The following ERBB4 variants were observed in gnomAD, a reference collection of about 807,000 sequenced individuals.
The protein encoded by ERBB4 is erb-b2 receptor tyrosine kinase 4.
Under a neutral mutation model 158.0 loss-of-function variants are expected in ERBB4, and 42 were observed. The ratio of observed to expected loss-of-function variants is 0.27; its 90% CI spans 0.21 to 0.34. The LOEUF (loss-of-function observed/expected upper bound fraction) is 0.34. ERBB4 is among the 10% of genes least tolerant of loss of function. ERBB4 has a pLI of 1.00. For synonymous variants in ERBB4, 583 were observed against 558.7 expected, an observed-to-expected ratio of 1.04 and a Z score of -0.61; for missense variants, 1,333 against 1,624.1, an observed-to-expected ratio of 0.82 and a Z score of 3.08.
At chr2:211,420,764 A>T (rs1574457833) in intron 24 of ERBB4, among the ~76,000 whole-genome samples, 153 bp from the exon 25 acceptor site, 1 of 152,172 alleles carries the variant, frequency 6.6e-6, no homozygotes, top group Middle Eastern at 3.4e-3. Context: ...ACCACCGGCC[A>T]TTAAGAAACC....
At chr2:211,642,308 G>C (rs574398091) in intron 16 of ERBB4, among the ~76,000 whole-genome samples, 1 of 152,124 alleles carries the variant, frequency 6.6e-6, no homozygotes, top group African/African-American at 2.4e-5. Flanking sequence ...AATCAACCTG[G>C]TGGTAGATTT....
chr2:212,425,336 G>GATACATATATAT (rs1560285485), intron 1 of ERBB4, among the ~76,000 whole-genome samples: 28 of 145,632 alleles, frequency 1.9e-4, no homozygotes, highest in African/African-American at 6.7e-4. Flanking sequence ...AAATATATAA[G>GATACATATATAT]GATACATATA....
intron 1 of ERBB4, among the ~76,000 whole-genome samples, chr2:212,219,168 G>T (rs1371651073): frequency 6.6e-6 from 1 of 151,328 alleles, no homozygotes; most frequent in African/African-American, 2.4e-5. Flanking sequence ...AAAATGAAAA[G>T]AATGAGACCC....
At chr2:211,868,648 G>A (rs1463568053) in intron 3 of ERBB4, among the ~76,000 whole-genome samples, 2 of 152,054 alleles carry the variant, frequency 1.3e-5, no homozygotes, top group Non-Finnish European at 2.9e-5. Flanking sequence ...GTTGTTCTTT[G>A]ATCAAAGGAA....
chr2:211,405,064 C>G (rs905323378), intron 25 of ERBB4, among the ~76,000 whole-genome samples: 1 of 152,104 alleles, frequency 6.6e-6, no homozygotes, highest in African/African-American at 2.4e-5. Context: ...TATTGCTGCA[C>G]TACATCCTCA....
At position 212,420,523 on chromosome 2, in the gene ERBB4, A is replaced by T. The variant is rs139055136; in HGVS notation, c.82+117926T>A. ...TGTATTTTAATTATGAAAGAATGGG[A>T]TCTGCCCAAGTTTTCCAAATCAAAA... On this transcript the variant is annotated intron_variant, in intron 1 of 27. Coordinates refer to ENST00000342788, the MANE Select transcript of ERBB4 (RefSeq NM_005235.3). 9.0e-3 allele frequency among the ~76,000 whole-genome samples: 1,366 copies of T among 152,246 alleles called. 26 individuals are homozygous for T. The highest frequency in any genetic ancestry group is 0.049 in the South Asian group (239 of 4,832).
chr2:212,492,215 T>C (rs1464299558), intron 1 of ERBB4, among the ~76,000 whole-genome samples: 1 of 151,478 alleles, frequency 6.6e-6, no homozygotes, highest in Non-Finnish European at 1.5e-5. Flanking sequence ...TAAGATTATC[T>C]ATATCTTCAC....
At chr2:212,156,852 T>C (rs2081050071) in intron 1 of ERBB4, among the ~76,000 whole-genome samples, 1 of 152,064 alleles carries the variant, frequency 6.6e-6, no homozygotes, top group Non-Finnish European at 1.5e-5. Context: ...TCTATCTCCC[T>C]AATATCCGTG....
intron 1 of ERBB4, among the ~76,000 whole-genome samples, chr2:212,374,178 T>A (rs1442688497): frequency 6.7e-6 from 1 of 150,006 alleles, no homozygotes; most frequent in Non-Finnish European, 1.5e-5. Context: ...TACATAAAAA[T>A]AGGCAGATAG....
intron 25 of ERBB4, among the ~76,000 whole-genome samples, chr2:211,414,897 G>T (rs1174040386): frequency 1.3e-5 from 2 of 151,892 alleles, no homozygotes; most frequent in African/African-American, 4.8e-5. Context: ...CTTAAAATTG[G>T]ACTGGCAGTA....
At chr2:212,304,793 G>A (rs2086748587) in intron 1 of ERBB4, among the ~76,000 whole-genome samples, 3 of 151,236 alleles carry the variant, frequency 2.0e-5, no homozygotes, top group Admixed American at 6.6e-5. Context: ...TTTCAATAGA[G>A]AAGAAATATT....
At chr2:212,035,805 G>A (rs2076999585) in intron 2 of ERBB4, among the ~76,000 whole-genome samples, 1 of 152,132 alleles carries the variant, frequency 6.6e-6, no homozygotes, top group Admixed American at 6.5e-5. Flanking sequence ...ATAAGTGAAT[G>A]GATAGGTTCA....
At chr2:211,890,550 T>C (rs964519055) in intron 3 of ERBB4, among the ~76,000 whole-genome samples, 1 of 149,988 alleles carries the variant, frequency 6.7e-6, no homozygotes, top group Non-Finnish European at 1.5e-5. Context: ...AATTCACACA[T>C]AACAATATTA....
At chr2:212,452,091 G>GA (rs1323346943) in intron 1 of ERBB4, among the ~76,000 whole-genome samples, 6 of 151,630 alleles carry the variant, frequency 4.0e-5, no homozygotes, top group Non-Finnish European at 8.8e-5. Context: ...GGATGGGTGG[G>GA]AAAAATGTCA....
intron 20 of ERBB4, among the ~76,000 whole-genome samples, chr2:211,539,700 A>G (rs975319433): frequency 6.6e-6 from 1 of 151,974 alleles, no homozygotes; most frequent in African/African-American, 2.4e-5. Flanking sequence ...TGATGTTTCA[A>G]TGCCATACTA....
chr2:211,627,938 T>C (rs1192378644), intron 17 of ERBB4, among the ~76,000 whole-genome samples: 1 of 152,220 alleles, frequency 6.6e-6, no homozygotes, highest in African/African-American at 2.4e-5. Flanking sequence ...ATAACTACCA[T>C]GCATAATATT....
intron 1 of ERBB4, among the ~76,000 whole-genome samples, chr2:212,398,570 T>C (rs917620720): frequency 4.6e-5 from 7 of 152,306 alleles, no homozygotes; most frequent in Non-Finnish European, 1.5e-5. Flanking sequence ...GGCTGAGATG[T>C]TGACTTAAAG....
At chr2:211,705,473 C>T in intron 9 of ERBB4, 82 bp from the exon 10 acceptor site, 2 of 960,772 alleles carry the variant, frequency 2.1e-6, no homozygotes, top group South Asian at 2.6e-5. Context: ...ATATTTTATT[C>T]AAATTTAATT....
rs72948516 is a variant in ERBB4, at chr2:211,759,940, A to C, written c.557-9236T>G. 8.5e-3 allele frequency among the ~76,000 whole-genome samples: 1,294 copies of C among 152,280 alleles called. 9 individuals are homozygous for C. Among genetic ancestry groups the C allele is most frequent in the Non-Finnish European group, 0.014 (966 of 68,030 alleles). ...ATTTTGGATGATATTAAATAAATATAATTTTATTTCTTTGGTAGATTTACC... is the reference window on the plus strand; with the variant it reads ...ATTTTGGATGATATTAAATAAATATCATTTTATTTCTTTGGTAGATTTACC... On this transcript the variant is annotated intron_variant, in intron 4 of 27. Transcript: ENST00000342788.
Sources: gnomAD v4.1 joint callset for allele counts (sites outside exome capture counted in the v4.1 genomes callset) on GRCh38, gnomAD v4.1.1 for gene constraint, MANE v1.5 for transcripts, NCBI Gene and HGNC (gene_info 2026-07-23, HGNC 2026-07-21) for gene names.